Variants in NLGN4Y observed in about 807,000 individuals in gnomAD.
NLGN4Y encodes neuroligin 4 Y-linked.
NLGN4Y carries 4 observed loss-of-function variants against 8.4 expected under a neutral mutation model. That is an observed-to-expected ratio of 0.48 (90% CI 0.23 to 1.09). The LOEUF (loss-of-function observed/expected upper bound fraction) is 1.09. NLGN4Y is among the 50% of genes least tolerant of loss of function. The pLI, the probability that NLGN4Y is intolerant of heterozygous loss-of-function variation, is 0.19. For missense variants in NLGN4Y, 90 were observed against 192.3 expected, an observed-to-expected ratio of 0.47 and a Z score of 3.15; for synonymous variants, 35 against 75.6, an observed-to-expected ratio of 0.46 and a Z score of 2.78.
At chrY:14,802,508 T>A in intron 4 of NLGN4Y, among the ~76,000 whole-genome samples, 1 of 29,855 alleles carries the variant, frequency 3.3e-5, no homozygotes, top group Admixed American at 3.5e-4. Context: ...ATTTCTAACA[T>A]ATATAGAGAT....
intron 1 of NLGN4Y, among the ~76,000 whole-genome samples, chrY:14,536,547 G>A: frequency 4.3e-4 from 14 of 32,366 alleles, no homozygotes; most frequent in Admixed American, 3.7e-3. Context: ...GCACCCAGCC[G>A]AAGGTTTTTA....
At chrY:14,581,214 T>C (rs2080318737) in intron 1 of NLGN4Y, among the ~76,000 whole-genome samples, 1 of 33,526 alleles carries the variant, frequency 3.0e-5, no homozygotes, top group Non-Finnish European at 7.4e-5. Flanking sequence ...TTATAAAAAG[T>C]TTTAATTGCT....
chrY:14,610,687 G>T, intron 1 of NLGN4Y, among the ~76,000 whole-genome samples: 1 of 32,856 alleles, frequency 3.0e-5, no homozygotes, highest in Non-Finnish European at 7.5e-5. Context: ...TCTGTTGATT[G>T]GGGTGAAGAG....
At chrY:14,562,216 T>A in intron 1 of NLGN4Y, among the ~76,000 whole-genome samples, 1 of 33,566 alleles carries the variant, frequency 3.0e-5, no homozygotes, top group Non-Finnish European at 7.4e-5. Flanking sequence ...TACATTTAAA[T>A]CTTTGATCCA....
rs769771257 is a variant in NLGN4Y, at chrY:14,542,030, A to G, written c.-112+17322A>G. On this transcript the variant is annotated intron_variant, in intron 1 of 6. Transcript: ENST00000684976. Reference sequence around the variant, plus strand: ...CTGGCAAATAGGCTAAAGCGTTAACACTCATTGGTGAGCTCTATTCAGGAG... The same window carrying G: ...CTGGCAAATAGGCTAAAGCGTTAACGCTCATTGGTGAGCTCTATTCAGGAG... Among the ~76,000 whole-genome samples the G allele has an allele frequency of 2.1e-3, 72 of 33,543 alleles. No homozygotes were observed. The Middle Eastern group carries it at 0.042, about 20-fold the overall frequency. 90.0% of individuals were successfully genotyped at this position (33,543 alleles called of 37,273 possible).
At chrY:14,538,175 T>G in intron 1 of NLGN4Y, among the ~76,000 whole-genome samples, 1 of 34,070 alleles carries the variant, frequency 2.9e-5, no homozygotes, top group South Asian at 6.5e-4. Context: ...AGGACTTGAA[T>G]GTACTTGAGG....
intron 1 of NLGN4Y, among the ~76,000 whole-genome samples, chrY:14,597,090 G>A (rs889272016): frequency 3.1e-5 from 1 of 31,875 alleles, no homozygotes; most frequent in Non-Finnish European, 7.6e-5. Flanking sequence ...TGGTGGGTTC[G>A]TGGTCTCGCT....
At chrY:14,530,930 C>T in intron 1 of NLGN4Y, among the ~76,000 whole-genome samples, 1 of 30,438 alleles carries the variant, frequency 3.3e-5, no homozygotes, top group Non-Finnish European at 8.0e-5. Context: ...CCTTTGAACT[C>T]AAATTTAATG....
intron 1 of NLGN4Y, among the ~76,000 whole-genome samples, chrY:14,529,992 C>CAT (rs368762978): frequency 0.02 from 409 of 20,660 alleles, no homozygotes; most frequent in South Asian, 0.048. Flanking sequence ...CATATATGTA[C>CAT]ATATATATAT....
At chrY:14,802,210 G>A in intron 4 of NLGN4Y, among the ~76,000 whole-genome samples, 2 of 32,434 alleles carry the variant, frequency 6.2e-5, no homozygotes, top group Non-Finnish European at 1.5e-4. Flanking sequence ...CCTGTGCTTG[G>A]AGATACCTGG....
At chrY:14,763,504 A>G (rs2081086486) in intron 4 of NLGN4Y, among the ~76,000 whole-genome samples, 1 of 33,343 alleles carries the variant, frequency 3.0e-5, no homozygotes, top group African/African-American at 1.2e-4. Context: ...TGAAGACCAT[A>G]TTAAGGAATA....
intron 2 of NLGN4Y, chrY:14,639,553 C>G: frequency 3.9e-6 from 1 of 255,650 alleles, no homozygotes; most frequent in Non-Finnish European, 6.3e-6. Flanking sequence ...GGATTTATCC[C>G]ACTGGGACGG....
At position 14,672,151 on chromosome Y, in the gene NLGN4Y, T is replaced by C. The variant is rs2150528089; in HGVS notation, c.473-47308T>C. Among the ~76,000 whole-genome samples, 3 of 33,063 alleles carry C rather than the reference T, an allele frequency of 9.1e-5. No individual in the cohort carries two copies. The South Asian group carries it at 2.0e-3, about 22-fold the overall frequency. The allele number at this position is 33,063 out of a possible 37,273, so 88.7% of individuals were successfully genotyped here. The stretch of plus-strand genomic sequence containing the variant: ...ACTGGTGAGAAGCCTCTCAGAGAAA[T>C]AAGGAATACTGCACATCCTCCATAT... On this transcript the variant is annotated intron_variant, in intron 2 of 6. Transcript: ENST00000684976.
At chrY:14,797,845 T>C (rs2043017736) in intron 4 of NLGN4Y, among the ~76,000 whole-genome samples, 1 of 33,403 alleles carries the variant, frequency 3.0e-5, no homozygotes, top group African/African-American at 1.2e-4. Context: ...CTATGTATAA[T>C]TGTTGCATTC....
At chrY:14,705,974 A>T (rs2080875927) in intron 2 of NLGN4Y, among the ~76,000 whole-genome samples, 2 of 33,638 alleles carry the variant, frequency 5.9e-5, no homozygotes, top group African/African-American at 2.3e-4. Flanking sequence ...TTTCTTGAGT[A>T]GCATGATTAT....
chrY:14,580,649 G>A (rs2080315317), intron 1 of NLGN4Y, among the ~76,000 whole-genome samples: 1 of 31,505 alleles, frequency 3.2e-5, no homozygotes, highest in Non-Finnish European at 7.7e-5. Context: ...TGCAGACCGG[G>A]CAGTGAGATT....
chrY:14,630,961 C>T, intron 2 of NLGN4Y, among the ~76,000 whole-genome samples: 1 of 33,518 alleles, frequency 3.0e-5, no homozygotes, highest in African/African-American at 1.2e-4. Flanking sequence ...ACAAGTGATT[C>T]TACCACCTCA....
At chrY:14,768,591 G>A (rs2081098543) in intron 4 of NLGN4Y, among the ~76,000 whole-genome samples, 1 of 32,689 alleles carries the variant, frequency 3.1e-5, no homozygotes, top group Non-Finnish European at 7.4e-5. Flanking sequence ...AAGCATTTCA[G>A]GTGGTCTGCA....
chrY:14,623,548 C>T, intron 2 of NLGN4Y, among the ~76,000 whole-genome samples: 1 of 34,010 alleles, frequency 2.9e-5, no homozygotes, highest in East Asian at 7.6e-4. Context: ...TTGCATAAAG[C>T]TCTTCGTGGA....
Sources: allele counts gnomAD v4.1 joint callset (sites outside exome capture counted in the v4.1 genomes callset), GRCh38; gene constraint gnomAD v4.1.1; transcripts MANE v1.5; gene names NCBI Gene and HGNC (gene_info 2026-07-23, HGNC 2026-07-21).